DLG1: variants seen among roughly 807,000 people sequenced by gnomAD.
The protein encoded by DLG1 is disks large homolog 1.
DLG1 carries 42 observed loss-of-function variants against 123.4 expected under a neutral mutation model. The ratio of observed to expected loss-of-function variants is 0.34; its 90% CI spans 0.27 to 0.44. The LOEUF (loss-of-function observed/expected upper bound fraction) is 0.44, where lower values mean the gene tolerates loss of function less well. Ranked by LOEUF, DLG1 falls within the 20% of genes least tolerant of loss-of-function variation. The probability of loss-of-function intolerance (pLI) is 1.00; values close to 1 mark genes in which losing one functional copy is unlikely to be tolerated. For synonymous variants in DLG1, 317 were observed against 356.2 expected (o/e 0.89, Z 1.24); for missense variants, 942 against 1,082.6 (o/e 0.87, Z 1.82).
intron 14 of DLG1, among the ~76,000 whole-genome samples, chr3:197,093,398 C>T (rs564845208): frequency 6.6e-6 from 1 of 152,268 alleles, no homozygotes; most frequent in East Asian, 1.9e-4. Flanking sequence ...ACCTCGTAAT[C>T]CGCCTGCCTC....
chr3:197,245,905 G>T (rs201291520), intron 4 of DLG1, among the ~76,000 whole-genome samples: 16 of 142,014 alleles, frequency 1.1e-4, no homozygotes, highest in Admixed American at 4.2e-4. Context: ...TTTTTTGGGG[G>T]GGGGGGAGGT....
At chr3:197,287,047 T>C (rs2151195471) in intron 3 of DLG1, among the ~76,000 whole-genome samples, 1 of 152,070 alleles carries the variant, frequency 6.6e-6, no homozygotes, top group African/African-American at 2.4e-5. Context: ...TAAATTTTTT[T>C]TTTTCCTAAG....
At chr3:197,177,442 A>G (rs1237228552) in intron 5 of DLG1, among the ~76,000 whole-genome samples, 2 of 152,222 alleles carry the variant, frequency 1.3e-5, no homozygotes, top group Admixed American at 6.5e-5. Flanking sequence ...GAATATGAAC[A>G]ATTCCATTCC....
rs1265638256 is a variant in DLG1, at chr3:197,043,645, A to C, written c.*978T>G. ...AATTCCCATAGTTACAGTTTAAAGA[A>C]AGTTTTATATATATATTTATATATA... is the stretch of plus-strand genomic sequence containing the variant. On this transcript the variant is annotated 3_prime_UTR_variant, in exon 25 of 25. Coordinates refer to ENST00000667157, the MANE Select transcript of DLG1 (RefSeq NM_001366207.1). The C allele has an allele frequency of 1.3e-5, 2 of 150,796 alleles. No homozygotes were observed. The highest frequency in any genetic ancestry group is 3.0e-5 in the Non-Finnish European group (2 of 67,730). The allele number at this position is 150,796 out of a possible 1,614,324, so 9.3% of individuals were successfully genotyped here.
At chr3:197,148,259 A>AAAAAAAAAAAAAAAAAAAAAAAAC (rs1792026512) in intron 6 of DLG1, among the ~76,000 whole-genome samples, 1 of 144,446 alleles carries the variant, frequency 6.9e-6, no homozygotes, top group Non-Finnish European at 1.5e-5. Context: ...AAAAAAAAAA[A>AAAAAAAAAAAAAAAAAAAAAAAAC]AATAGCCAGT....
At chr3:197,095,601 T>C (rs895623642) in intron 14 of DLG1, among the ~76,000 whole-genome samples, 1 of 152,228 alleles carries the variant, frequency 6.6e-6, no homozygotes, top group Admixed American at 6.5e-5. Flanking sequence ...TACACAATTT[T>C]GATTTGTCCC....
chr3:197,154,642 T>C lies in DLG1; in HGVS notation c.484-4846A>G, dbSNP rs191684436. 9.7e-3 allele frequency among the ~76,000 whole-genome samples: 1,467 copies of C among 151,716 alleles called. 14 individuals carry two copies. Among genetic ancestry groups the C allele is most frequent in the Non-Finnish European group, 0.018 (1,202 of 67,944 alleles). ...GTCAGCCGAGATGGCACCACTGCAC[T>C]CCAGCCTGGGTGACAGAGCCAGACT... On this transcript the variant is annotated intron_variant, in intron 5 of 24. Coordinates refer to ENST00000667157, the MANE Select transcript of DLG1 (RefSeq NM_001366207.1).
At chr3:197,102,602 T>C (rs1366207460) in intron 14 of DLG1, among the ~76,000 whole-genome samples, 1 of 152,132 alleles carries the variant, frequency 6.6e-6, no homozygotes, top group Non-Finnish European at 1.5e-5. Flanking sequence ...TTACTGGGGC[T>C]GGGGGCTGTG....
intron 4 of DLG1, among the ~76,000 whole-genome samples, chr3:197,268,388 T>G (rs1459479158): frequency 2.0e-5 from 3 of 152,194 alleles, no homozygotes; most frequent in Non-Finnish European, 4.4e-5. Context: ...GCTTTTTTTT[T>G]GGCATAATAT....
chr3:197,237,683 G>A (rs987412761), intron 4 of DLG1, among the ~76,000 whole-genome samples: 1 of 152,188 alleles, frequency 6.6e-6, no homozygotes, highest in Non-Finnish European at 1.5e-5. Context: ...CAGCAATAAA[G>A]AGACAGCCCT....
At chr3:197,133,615 T>C (rs1482390481) in intron 10 of DLG1, among the ~76,000 whole-genome samples, 1 of 152,188 alleles carries the variant, frequency 6.6e-6, no homozygotes, top group Non-Finnish European at 1.5e-5. Flanking sequence ...GAAAAGTTAT[T>C]TGACCATCTA....
At chr3:197,085,370 T>C in intron 16 of DLG1, 1 of 533,640 alleles carries the variant, frequency 1.9e-6, no homozygotes, top group Non-Finnish European at 3.3e-6. Context: ...TCCTAACCCC[T>C]GGTAACCACC....
rs114293560 is a variant in DLG1 at position 197,204,130 on chromosome 3, C to A, written c.319-9541G>T. Reference sequence around the variant, plus strand: ...TCTTATTCCCACTGCTCAGTCTGCTCCCATGTATAGGAAAAATTATGTGAA... The same window carrying A: ...TCTTATTCCCACTGCTCAGTCTGCTACCATGTATAGGAAAAATTATGTGAA... On this transcript the variant is annotated intron_variant, in intron 4 of 24. Transcript: ENST00000667157. Among the ~76,000 whole-genome samples the A allele has an allele frequency of 6.5e-3, 990 of 152,292 alleles. 13 individuals are homozygous for A. Among genetic ancestry groups the A allele is most frequent in the Middle Eastern group, 0.041 (12 of 294 alleles).
chr3:197,139,812 G>A (rs1787091092), intron 8 of DLG1, among the ~76,000 whole-genome samples: 1 of 152,010 alleles, frequency 6.6e-6, no homozygotes, highest in African/African-American at 2.4e-5. Flanking sequence ...AGCCAGAGAG[G>A]AAATGGAAAA....
At chr3:197,148,830 C>T (rs749751812) in intron 6 of DLG1, among the ~76,000 whole-genome samples, 13 of 152,184 alleles carry the variant, frequency 8.5e-5, no homozygotes, top group Non-Finnish European at 1.3e-4. Flanking sequence ...GGTTTTTAGA[C>T]TCAATCATTA....
rs985653719 is a variant in DLG1, at chr3:197,271,243, C to T, written c.318+11436G>A. ...GATAAATCACCTACACTGACAAATCCACAACCCTAAAGTATGGGGGAACTG... is the reference window on the plus strand; with the variant it reads ...GATAAATCACCTACACTGACAAATCTACAACCCTAAAGTATGGGGGAACTG... On this transcript the variant is annotated intron_variant, in intron 4 of 24. Coordinates refer to ENST00000667157, the MANE Select transcript of DLG1 (RefSeq NM_001366207.1). Among the ~76,000 whole-genome samples, 8 of 152,274 alleles carry T rather than the reference C, an allele frequency of 5.3e-5. 1 individual carries two copies. Among genetic ancestry groups the T allele is most frequent in the African/African-American group, 1.9e-4 (8 of 41,568 alleles).
intron 23 of DLG1, among the ~76,000 whole-genome samples, chr3:197,054,542 A>G (rs770558304): frequency 4.6e-4 from 70 of 151,956 alleles, no homozygotes; most frequent in Non-Finnish European, 8.7e-4. Flanking sequence ...TGAATTTTCC[A>G]TTTCAGTTAT....
chr3:197,208,101 A>T (rs1578095012), intron 4 of DLG1, among the ~76,000 whole-genome samples: 1 of 113,134 alleles, frequency 8.8e-6, no homozygotes, highest in African/African-American at 2.9e-5. Flanking sequence ...AAGAACAAGC[A>T]AACAATTTAG....
chr3:197,213,047 T>C (rs1471549297), intron 4 of DLG1, among the ~76,000 whole-genome samples: 2 of 152,176 alleles, frequency 1.3e-5, no homozygotes, highest in African/African-American at 4.8e-5. Flanking sequence ...ACCTAGGATA[T>C]GAAAACAACC....
Sources: allele counts gnomAD v4.1 joint callset (sites outside exome capture counted in the v4.1 genomes callset), GRCh38; gene constraint gnomAD v4.1.1; transcripts MANE v1.5; gene names NCBI Gene and HGNC (gene_info 2026-07-23, HGNC 2026-07-21).